RBM19: variants seen among roughly 807,000 people sequenced by gnomAD.
RBM19 encodes probable RNA-binding protein 19.
Under a neutral mutation model 116.8 loss-of-function variants are expected in RBM19, and 94 were observed. That is an observed-to-expected ratio of 0.80 (90% CI 0.68 to 0.95). The LOEUF is 0.95. RBM19 is among the 40% of genes least tolerant of loss of function. RBM19 has a pLI of 0.00. For synonymous variants in RBM19, 475 were observed against 494.1 expected, an observed-to-expected ratio of 0.96 and a Z score of 0.51; for missense variants, 1,161 against 1,220.7, an observed-to-expected ratio of 0.95 and a Z score of 0.73.
intron 16 of RBM19, among the ~76,000 whole-genome samples, chr12:113,932,002 G>A (rs1869648641): frequency 1.3e-5 from 2 of 152,212 alleles, no homozygotes; most frequent in Non-Finnish European, 2.9e-5. Context: ...CCAGCACTGG[G>A]CTCAGAACAG....
At chr12:113,947,580 T>A (rs1394354088) in intron 10 of RBM19, 116 bp from the exon 11 acceptor site, 2 of 1,144,492 alleles carry the variant, frequency 1.7e-6, no homozygotes, top group Non-Finnish European at 2.4e-6. Flanking sequence ...CATTTCCCAG[T>A]CCCCTACGTG....
chr12:113,845,134 C>T (rs750940732), intron 22 of RBM19, among the ~76,000 whole-genome samples: 46 of 152,274 alleles, frequency 3.0e-4, no homozygotes, highest in Non-Finnish European at 5.1e-4. Flanking sequence ...GTCTGCATGG[C>T]GGCCACTTGA....
At chr12:113,829,934 G>A (rs936550031) in intron 23 of RBM19, among the ~76,000 whole-genome samples, 3 of 152,222 alleles carry the variant, frequency 2.0e-5, no homozygotes, top group Non-Finnish European at 4.4e-5. Context: ...CTCCTCAGGC[G>A]CCTGCTGGCT....
intron 16 of RBM19, among the ~76,000 whole-genome samples, chr12:113,930,673 G>C (rs150442747): frequency 1.3e-5 from 2 of 152,346 alleles, no homozygotes; most frequent in Non-Finnish European, 2.9e-5. Context: ...GCTCAAAGGG[G>C]TCTGCCTTTC....
rs74457581 is a variant in RBM19, at chr12:113,950,450, G to A, written c.1001-296C>T. On this transcript the variant is annotated intron_variant, in intron 8 of 23. Transcript: ENST00000261741. ...CCTCCAAGCCTCACCCCCATCCCCC[G>A]ACTGGCACCTGCTCTAAGCCATTCT... Among the ~76,000 whole-genome samples, 753 of 152,212 alleles carry A rather than the reference G, an allele frequency of 4.9e-3. 8 individuals are homozygous for A. The highest frequency in any genetic ancestry group is 0.017 in the African/African-American group (711 of 41,536).
chr12:113,960,243 G>A (rs989064739), intron 2 of RBM19, 65 bp from the exon 3 acceptor site: 50 of 1,605,626 alleles, frequency 3.1e-5, no homozygotes, highest in Middle Eastern at 2.2e-4. Flanking sequence ...GCTGCCCTTC[G>A]GCACCTGGGA....
At chr12:113,834,167 G>C (rs1442298112) in intron 23 of RBM19, among the ~76,000 whole-genome samples, 1 of 152,120 alleles carries the variant, frequency 6.6e-6, no homozygotes, top group East Asian at 1.9e-4. Context: ...ACTCAAATCA[G>C]CTCCATGAGG....
In RBM19 at chr12:113,957,933, T is replaced by A; in HGVS notation, c.689A>T (p.Glu230Val). The A allele has an allele frequency of 6.2e-7, 1 of 1,614,166 alleles. No homozygotes were observed. The highest frequency in any genetic ancestry group is 1.1e-5 in the South Asian group (1 of 91,086). The change falls in exon 6 of 24, where the codon GAA becomes GTA. Residue 230 changes from glutamate (E) to valine (V), a missense_variant. Glu to Val is a moderately radical substitution (Grantham distance 121). Coordinates refer to ENST00000261741, the MANE Select transcript of RBM19 (RefSeq NM_016196.4). The part of the protein sequence containing the change: ...SSSSSEEEES[E>V]DEAVHCDEGS... The stretch of plus-strand genomic sequence containing the variant: ...TTCATCACAGTGCACGGCTTCATCT[T>A]CACTTTCCTCTTCCTCCGAGGAAGA...
intron 21 of RBM19, among the ~76,000 whole-genome samples, chr12:113,909,885 C>A (rs1882322986): frequency 6.6e-6 from 1 of 152,220 alleles, no homozygotes. Flanking sequence ...AGGCGTCTCA[C>A]ATACTTGACT....
At chr12:113,925,219 T>C (rs1868960080) in intron 17 of RBM19, among the ~76,000 whole-genome samples, 1 of 152,202 alleles carries the variant, frequency 6.6e-6, no homozygotes, top group Non-Finnish European at 1.5e-5. Context: ...CATGTTTACC[T>C]GGTTCCCGGC....
chr12:113,888,063 T>C (rs965315765), intron 21 of RBM19, among the ~76,000 whole-genome samples: 1 of 152,188 alleles, frequency 6.6e-6, no homozygotes, highest in Admixed American at 6.5e-5. Context: ...CCTGGATGCA[T>C]AGCCAGACCT....
At chr12:113,861,188 C>T (rs913542440) in intron 21 of RBM19, among the ~76,000 whole-genome samples, 42 of 152,180 alleles carry the variant, frequency 2.8e-4, no homozygotes, top group African/African-American at 9.7e-4. Flanking sequence ...ATCATCTGGA[C>T]GGGGACTGGC....
At chr12:113,875,063 C>T (rs191593666) in intron 21 of RBM19, among the ~76,000 whole-genome samples, 4 of 152,388 alleles carry the variant, frequency 2.6e-5, no homozygotes, top group Admixed American at 1.3e-4. Flanking sequence ...CAAGACACCT[C>T]TGCAGAAGAT....
At chr12:113,944,091 A>ATTTTTTTTTTTT (rs1244100851) in intron 13 of RBM19, among the ~76,000 whole-genome samples, 5 of 78,484 alleles carry the variant, frequency 6.4e-5, no homozygotes, top group Non-Finnish European at 9.0e-5. Flanking sequence ...CTCCAGATGC[A>ATTTTTTTTTTTT]TGTTTTTTTT....
intron 21 of RBM19, among the ~76,000 whole-genome samples, chr12:113,888,509 C>T (rs1880709420): frequency 6.6e-6 from 1 of 152,146 alleles, no homozygotes; most frequent in South Asian, 2.1e-4. Context: ...AACAGTATGA[C>T]AATTTCCGTA....
At chr12:113,886,519 T>C (rs779991007) in intron 21 of RBM19, among the ~76,000 whole-genome samples, 1 of 152,136 alleles carries the variant, frequency 6.6e-6, no homozygotes, top group African/African-American at 2.4e-5. Flanking sequence ...AGTAATCACA[T>C]AAAGTAATGC....
chr12:113,863,418 G>A (rs11610486), intron 21 of RBM19, among the ~76,000 whole-genome samples: 16,600 of 152,256 alleles, frequency 0.11, 1,038 homozygotes, highest in Non-Finnish European at 0.15. Context: ...AGGAAGGCTG[G>A]AGCAGAGGAA....
chr12:113,834,156 CACTCAAATCAGCTCCATGAGGGAGG>C (rs780708294), intron 23 of RBM19, among the ~76,000 whole-genome samples: 39 of 152,322 alleles, frequency 2.6e-4, no homozygotes, highest in Non-Finnish European at 5.7e-4. Context: ...CTGTCTCCCT[CACTCAAATCAGCTCCATGAGGGAGG>C]ACTTTCTCTT....
intron 13 of RBM19, among the ~76,000 whole-genome samples, chr12:113,944,522 T>C (rs2135914894): frequency 6.6e-6 from 1 of 152,226 alleles, no homozygotes; most frequent in East Asian, 1.9e-4. Context: ...TAAAATATAC[T>C]TTATATGACT....
Sources: allele counts gnomAD v4.1 joint callset (sites outside exome capture counted in the v4.1 genomes callset), GRCh38; gene constraint gnomAD v4.1.1; transcripts MANE v1.5; gene names NCBI Gene and HGNC (gene_info 2026-07-23, HGNC 2026-07-21).